ABR: variants seen among roughly 807,000 people sequenced by gnomAD.
ABR encodes the protein active breakpoint cluster region-related protein.
Under a neutral mutation model 107.2 loss-of-function variants are expected in ABR, and 35 were observed. That is an observed-to-expected ratio of 0.33 (90% confidence interval 0.25 to 0.43). The LOEUF (loss-of-function observed/expected upper bound fraction) is 0.43. ABR is among the 20% of genes least tolerant of loss of function. ABR has a pLI of 1.00. For missense variants in ABR, 815 were observed against 1,115.2 expected (o/e 0.73, Z 3.83); for synonymous variants, 498 against 462.0 (o/e 1.08, Z -1.00).
At chr17:1,124,437 A>G (rs112143561) in intron 2 of ABR, among the ~76,000 whole-genome samples, 3,028 of 151,652 alleles carry the variant, frequency 0.02, 109 homozygotes, top group African/African-American at 0.07. Flanking sequence ...CTTCTCCCCC[A>G]CCAGCTCCAG....
chr17:1,217,276 G>A (rs2043029218), intron 1 of ABR, among the ~76,000 whole-genome samples: 1 of 152,270 alleles, frequency 6.6e-6, no homozygotes, highest in South Asian at 2.1e-4. Context: ...GTCTGTAATT[G>A]GATGCTTCGC....
At chr17:1,013,007 G>C in intron 17 of ABR, 98 bp downstream of exon 17, 1 of 1,444,802 alleles carries the variant, frequency 6.9e-7, no homozygotes, top group Non-Finnish European at 9.7e-7. Context: ...AGGCGGCACA[G>C]CGGCCCCAGG....
chr17:1,101,760 G>A (rs1452533727), intron 2 of ABR, among the ~76,000 whole-genome samples: 3 of 149,886 alleles, frequency 2.0e-5, no homozygotes, highest in Non-Finnish European at 4.4e-5. Flanking sequence ...TAGAGACGGA[G>A]TCTCGCTCTG....
chr17:1,173,382 C>G (rs747414687), intron 1 of ABR, among the ~76,000 whole-genome samples: 1 of 107,618 alleles, frequency 9.3e-6, no homozygotes, highest in Non-Finnish European at 2.0e-5. Context: ...ACCCCCCACA[C>G]ATCACCAACA....
intron 1 of ABR, among the ~76,000 whole-genome samples, chr17:1,209,242 T>G (rs538065129): frequency 7.9e-5 from 12 of 152,110 alleles, no homozygotes; most frequent in Admixed American, 5.3e-4. Flanking sequence ...GTGGGTGGTG[T>G]TTTATTGTTC....
At chr17:1,217,529 A>C (rs1313435759) in intron 1 of ABR, among the ~76,000 whole-genome samples, 1 of 152,202 alleles carries the variant, frequency 6.6e-6, no homozygotes, top group East Asian at 1.9e-4. Flanking sequence ...CCTTCACGCC[A>C]ACTTACTTGA....
At chr17:1,077,825 C>T (rs150743444) in intron 6 of ABR, among the ~76,000 whole-genome samples, 12 of 152,334 alleles carry the variant, frequency 7.9e-5, no homozygotes, top group African/African-American at 2.4e-4. Context: ...AAACCAGCCG[C>T]CTGCTGCTCC....
At chr17:1,109,198 A>C in intron 2 of ABR, 1 of 1,249,874 alleles carries the variant, frequency 8.0e-7, no homozygotes, top group Non-Finnish European at 1.1e-6. Flanking sequence ...GGGGCTCCCG[A>C]CCCGGGACTG....
In ABR at chr17:1,199,426, A is replaced by G. The variant is rs377013135; in HGVS notation, c.838+29367T>C. Among the ~76,000 whole-genome samples the G allele has an allele frequency of 1.1e-3, 166 of 150,810 alleles. 6 individuals carry two copies. The highest frequency in any genetic ancestry group is 4.0e-3 in the African/African-American group (161 of 40,534). ...TGTTTTCTGGTTTTTTTGAAACAGG[A>G]TCTTGCTCTGTTCCCCAGCTGGAGT... On this transcript the variant is annotated intron_variant, in intron 1 of 22. Transcript: ENST00000574139.
intron 16 of ABR, among the ~76,000 whole-genome samples, chr17:1,019,966 C>T (rs2071490031): frequency 6.6e-6 from 1 of 152,212 alleles, no homozygotes; most frequent in Non-Finnish European, 1.5e-5. Context: ...CCAAGGTGGG[C>T]CACAGGCAGG....
In ABR at chr17:1,091,861, C is replaced by G. The variant is rs367867434; in HGVS notation, c.346-11G>C. Reference sequence around the variant, plus strand: ...CAGGGGTTTCATGGGCTGGGAGAAACAGAGGAAGAAAGAGCAGAGGTCGGG... The same window carrying G: ...CAGGGGTTTCATGGGCTGGGAGAAAGAGAGGAAGAAAGAGCAGAGGTCGGG... On this transcript the variant is annotated splice_polypyrimidine_tract_variant and intron_variant, in intron 3 of 22. Transcript: ENST00000302538. The G allele has an allele frequency of 9.9e-6, 16 of 1,609,774 alleles. No individual in the cohort carries two copies. In the African/African-American group the frequency reaches 2.0e-4, roughly 20 times the overall value.
At chr17:1,088,550 G>A (rs1312026661) in intron 4 of ABR, among the ~76,000 whole-genome samples, 1 of 151,432 alleles carries the variant, frequency 6.6e-6, no homozygotes, top group Non-Finnish European at 1.5e-5. Context: ...GATGTTCCAG[G>A]CCCTGTTCCA....
At chr17:1,178,308 A>C (rs971596004) in intron 1 of ABR, among the ~76,000 whole-genome samples, 1 of 151,660 alleles carries the variant, frequency 6.6e-6, no homozygotes, top group Non-Finnish European at 1.5e-5. Context: ...TCACGCCTGT[A>C]ATCCCAGCAC....
Position 1,072,655 on chromosome 17 carries a change from T to C in ABR, c.853A>G (p.Ile285Val). 6.2e-7 allele frequency: 1 copy of C among 1,612,590 alleles called. No homozygotes were observed. The highest frequency in any genetic ancestry group is 8.5e-7 in the Non-Finnish European group (1 of 1,179,366). The change falls in exon 8 of 23, where the codon ATC (isoleucine) becomes GTC (valine). Residue 285 changes from isoleucine to valine, a missense_variant. Physicochemically the swap from Ile to Val is conservative, Grantham distance 29 (BLOSUM62 3). This residue lies in a region of ABR where 385 missense variants were observed against 596.9 expected (regional missense o/e 0.64). Transcript: ENST00000302538. The stretch of plus-strand genomic sequence containing the variant: ...GTCACTGCAGTCCGGCGGGGGTCGA[T>C]GTCCTCGTTGATGCTGGACAGGAAG... Reference protein sequence around the residue: ...QNFLSSINEDIDPRRTAVTTP... With the variant: ...QNFLSSINEDVDPRRTAVTTP...
intron 13 of ABR, among the ~76,000 whole-genome samples, chr17:1,056,329 TG>T (rs544104797): frequency 6.6e-6 from 1 of 151,926 alleles, no homozygotes; most frequent in African/African-American, 2.4e-5. Flanking sequence ...CCACTCAGCC[TG>T]GGGGGGTCCA....
chr17:1,201,500 A>C (rs916564273), intron 1 of ABR, among the ~76,000 whole-genome samples: 3 of 152,052 alleles, frequency 2.0e-5, no homozygotes. Context: ...CACACACACA[A>C]CACCTCTCTC....
intron 16 of ABR, among the ~76,000 whole-genome samples, chr17:1,024,024 C>CAAAAAAAAAAAAA (rs11334940): frequency 6.3e-5 from 3 of 47,676 alleles, no homozygotes; most frequent in Non-Finnish European, 1.2e-4. Flanking sequence ...GACTCCATCT[C>CAAAAAAAAAAAAA]AAAAAAAAAA....
At chr17:1,102,924 C>A (rs1053006947) in intron 2 of ABR, among the ~76,000 whole-genome samples, 1 of 151,938 alleles carries the variant, frequency 6.6e-6, no homozygotes, top group Non-Finnish European at 1.5e-5. Flanking sequence ...TGGCCAGGCT[C>A]GTCTCAAACT....
At chr17:1,161,382 T>G (rs2041286772) in intron 1 of ABR, among the ~76,000 whole-genome samples, 1 of 149,456 alleles carries the variant, frequency 6.7e-6, no homozygotes, top group South Asian at 2.1e-4. Flanking sequence ...GCTTAGACTC[T>G]AGGGGCATTC....
Sources: allele counts gnomAD v4.1 joint callset (sites outside exome capture counted in the v4.1 genomes callset), GRCh38; gene constraint gnomAD v4.1.1; regional missense constraint gnomAD v4.1.1; transcripts MANE v1.5; gene names NCBI Gene and HGNC (gene_info 2026-07-23, HGNC 2026-07-21).